Variants in ANGPT2 observed in about 807,000 individuals in gnomAD.
ANGPT2 encodes angiopoietin 2.
A neutral mutation model predicts 62.9 loss-of-function variants in ANGPT2; 28 were observed. That is an observed-to-expected ratio of 0.44 (90% CI 0.33 to 0.61). ANGPT2 has a LOEUF of 0.61. Among genes scored for constraint, ANGPT2 ranks in the 20% least tolerant of loss-of-function variants. ANGPT2 has a pLI of 0.03. For synonymous variants in ANGPT2, 284 were observed against 207.8 expected (o/e 1.37, Z -3.15); for missense variants, 727 against 594.9 (o/e 1.22, Z -2.31).
chr8:6,539,265 T>C (rs1821081200), intron 1 of ANGPT2, among the ~76,000 whole-genome samples: 1 of 152,220 alleles, frequency 6.6e-6, no homozygotes, highest in Admixed American at 6.5e-5. Flanking sequence ...TTTCTCCATA[T>C]ATTGATGCCA....
intron 1 of ANGPT2, among the ~76,000 whole-genome samples, chr8:6,541,469 G>A (rs1207024519): frequency 6.6e-6 from 1 of 152,182 alleles, no homozygotes; most frequent in Non-Finnish European, 1.5e-5. Context: ...TTGGGGCAGG[G>A]CAGGCCTGGA....
chr8:6,537,480 CAT>C (rs1333875466), intron 1 of ANGPT2, among the ~76,000 whole-genome samples: 1 of 151,880 alleles, frequency 6.6e-6, no homozygotes, highest in Non-Finnish European at 1.5e-5. Flanking sequence ...GCGCCCCAGA[CAT>C]AGTCTTTAAA....
intron 1 of ANGPT2, among the ~76,000 whole-genome samples, chr8:6,561,232 C>T (rs930661996): frequency 6.6e-6 from 1 of 152,168 alleles, no homozygotes; most frequent in African/African-American, 2.4e-5. Flanking sequence ...CTTACTGGAG[C>T]GCTTAGCCAG....
At position 6,500,970 on chromosome 8, in the gene ANGPT2, G is replaced by T. The variant is rs915881065; in HGVS notation, c.*2131C>A. On this transcript the variant is annotated 3_prime_UTR_variant, in exon 9 of 9. Transcript: ENST00000629816. ...AAGTATCCATCACTCTTGTCATTGAGATATCCTAGAAACTTGTTGTTGTCT... is the reference window on the plus strand; with the variant it reads ...AAGTATCCATCACTCTTGTCATTGATATATCCTAGAAACTTGTTGTTGTCT... The T allele has an allele frequency of 1.3e-5, 2 of 152,148 alleles. No homozygotes were observed. Among genetic ancestry groups the T allele is most frequent in the South Asian group, 4.1e-4 (2 of 4,824 alleles). 9.4% of individuals were successfully genotyped at this position (152,148 alleles called of 1,614,324 possible).
intron 3 of ANGPT2, among the ~76,000 whole-genome samples, chr8:6,526,607 C>T (rs192063483): frequency 5.8e-4 from 89 of 152,252 alleles, no homozygotes; most frequent in African/African-American, 1.9e-3. Context: ...ATGACTTAAA[C>T]TTGGTATCCA....
intron 7 of ANGPT2, among the ~76,000 whole-genome samples, chr8:6,510,468 TG>T (rs1814819446): frequency 6.6e-6 from 1 of 152,240 alleles, no homozygotes; most frequent in South Asian, 2.1e-4. Context: ...CAGTTTGTAT[TG>T]GAAGAATACA....
intron 1 of ANGPT2, among the ~76,000 whole-genome samples, chr8:6,550,255 G>T (rs941070789): frequency 6.6e-6 from 1 of 152,088 alleles, no homozygotes; most frequent in African/African-American, 2.4e-5. Context: ...TCACTGATGC[G>T]CAGCTCAGGC....
At chr8:6,506,040 C>A (rs1813661901) in intron 8 of ANGPT2, among the ~76,000 whole-genome samples, 1 of 142,654 alleles carries the variant, frequency 7.0e-6, no homozygotes, top group African/African-American at 2.6e-5. Context: ...TATATATATT[C>A]TTTATATATA....
intron 8 of ANGPT2, among the ~76,000 whole-genome samples, chr8:6,504,591 A>G (rs1177129891): frequency 2.0e-5 from 3 of 152,178 alleles, no homozygotes; most frequent in Non-Finnish European, 4.4e-5. Flanking sequence ...GATGCTGGCA[A>G]TTCAGATATG....
Position 6,503,212 on chromosome 8 carries a change from A to G in ANGPT2, c.1377T>C (p.Tyr459=). ...ACTTATTTGTGTTCTGCCTCTGTGG[A>G]TAGTACATTCCGTTCAAGTTGGAAG... ...CGPSNLNGMY[Y]PQRQNTNKFN... is the part of the protein sequence containing the mutation. The change falls in exon 9 of 9, where the codon TAT becomes TAC. Residue 459 remains tyrosine (Y), a synonymous_variant. Coordinates refer to ENST00000629816, the MANE Select transcript of ANGPT2 (RefSeq NM_001118887.2). The G allele has an allele frequency of 3.1e-6, 5 of 1,614,112 alleles. No individual in the cohort carries two copies. The highest frequency in any genetic ancestry group is 3.4e-6 in the Non-Finnish European group (4 of 1,180,026).
chr8:6,499,992 A>G lies in ANGPT2; in HGVS notation c.*3109T>C. On this transcript the variant is annotated 3_prime_UTR_variant, in exon 9 of 9. Coordinates refer to ENST00000629816, the MANE Select transcript of ANGPT2 (RefSeq NM_001118887.2). ...TGCTGTTCTCAAGAAATTATTATAA[A>G]CATAAGGGTGGACTTAAGTTTTTAT... The G allele has an allele frequency of 1.4e-6, 2 of 1,410,000 alleles. No individual in the cohort carries two copies. The highest frequency in any genetic ancestry group is 1.0e-6 in the Non-Finnish European group (1 of 995,206). The allele number at this position is 1,410,000 out of a possible 1,614,324, so 87.3% of individuals were successfully genotyped here. A position where few individuals can be genotyped will look rare whatever the true frequency, so the allele number is the denominator to read the frequency against.
chr8:6,520,140 A>C, intron 4 of ANGPT2, 149 bp from the exon 5 acceptor site: 1 of 856,108 alleles, frequency 1.2e-6, no homozygotes, highest in Non-Finnish European at 1.7e-6. Context: ...CTTTCTAGAA[A>C]GTTTCCTTTC....
At chr8:6,545,658 C>G (rs1822455589) in intron 1 of ANGPT2, among the ~76,000 whole-genome samples, 1 of 151,944 alleles carries the variant, frequency 6.6e-6, no homozygotes, top group South Asian at 2.1e-4. Flanking sequence ...CTTGGAAGAC[C>G]AAGAAAGAAT....
At chr8:6,523,183 G>C (rs1196551254) in intron 3 of ANGPT2, among the ~76,000 whole-genome samples, 1 of 152,102 alleles carries the variant, frequency 6.6e-6, no homozygotes, top group African/African-American at 2.4e-5. Flanking sequence ...ATTTTTAGTA[G>C]AGATGGGCTT....
At chr8:6,532,876 T>C (rs963999162) in intron 1 of ANGPT2, among the ~76,000 whole-genome samples, 4 of 152,176 alleles carry the variant, frequency 2.6e-5, no homozygotes, top group African/African-American at 9.7e-5. Flanking sequence ...AGTCAGGAAA[T>C]GATAATTTGA....
chr8:6,557,798 C>G (rs1359489180), intron 1 of ANGPT2, among the ~76,000 whole-genome samples: 1 of 151,926 alleles, frequency 6.6e-6, no homozygotes. Context: ...TTGTGAACAG[C>G]TAATTGGAAA....
At chr8:6,510,863 G>A (rs1028405253) in intron 7 of ANGPT2, among the ~76,000 whole-genome samples, 1 of 152,188 alleles carries the variant, frequency 6.6e-6, no homozygotes, top group Non-Finnish European at 1.5e-5. Context: ...GCATGAACTG[G>A]ACATGTGAGT....
At chr8:6,554,038 G>T (rs915453659) in intron 1 of ANGPT2, among the ~76,000 whole-genome samples, 2 of 151,310 alleles carry the variant, frequency 1.3e-5, no homozygotes, top group Admixed American at 6.6e-5. Flanking sequence ...CCTGAAATTT[G>T]CCGGAACAGT....
At chr8:6,544,838 C>G (rs535433052) in intron 1 of ANGPT2, among the ~76,000 whole-genome samples, 1 of 152,100 alleles carries the variant, frequency 6.6e-6, no homozygotes, top group Non-Finnish European at 1.5e-5. Context: ...CAGGAAGACT[C>G]GAAATATGTT....
Sources: gnomAD v4.1 joint callset for allele counts (sites outside exome capture counted in the v4.1 genomes callset) on GRCh38, gnomAD v4.1.1 for gene constraint, MANE v1.5 for transcripts, NCBI Gene and HGNC (gene_info 2026-07-23, HGNC 2026-07-21) for gene names.